CYP27C1: variants seen among roughly 807,000 people sequenced by gnomAD.
CYP27C1 encodes cytochrome P450 family 27 subfamily C member 1.
CYP27C1 carries 29 observed loss-of-function variants against 40.6 expected under a neutral mutation model. The observed-to-expected ratio is 0.71, with a 90% CI of 0.53 to 0.97. The LOEUF is 0.97. Ranked by LOEUF, CYP27C1 falls within the 50% of genes least tolerant of loss-of-function variation. The probability of loss-of-function intolerance (pLI) is 0.00; values close to 1 mark genes in which losing one functional copy is unlikely to be tolerated. For synonymous variants in CYP27C1, 198 were observed against 186.8 expected (o/e 1.06, Z -0.49); for missense variants, 390 against 485.8 (o/e 0.80, Z 1.85).
chr2:127,202,378 G>A (rs1029332763), intron 3 of CYP27C1, among the ~76,000 whole-genome samples: 13 of 152,092 alleles, frequency 8.5e-5, no homozygotes, highest in Admixed American at 3.9e-4. Flanking sequence ...CACCCGCCTC[G>A]GCCTCCCAAA....
chr2:127,217,891 T>A (rs975690529), intron 1 of CYP27C1, among the ~76,000 whole-genome samples: 2 of 152,094 alleles, frequency 1.3e-5, no homozygotes, highest in African/African-American at 2.4e-5. Context: ...GTGTTCGAAA[T>A]TGGGAGTCCT....
At chr2:127,204,516 GGAAA>G (rs1270089247) in intron 2 of CYP27C1, among the ~76,000 whole-genome samples, 919 of 55,434 alleles carry the variant, frequency 0.017, 47 homozygotes, top group Middle Eastern at 0.022. Context: ...AAAGAAAGAA[GGAAA>G]GAAAGAAAGA....
At chr2:127,214,237 A>C (rs13017099) in intron 1 of CYP27C1, among the ~76,000 whole-genome samples, 98,338 of 152,094 alleles carry the variant, frequency 0.65, 32,489 homozygotes, top group East Asian at 0.91. Context: ...TAAATTAGTT[A>C]AACCATTGTG....
Position 127,201,269 on chromosome 2 carries a change from T to A in CYP27C1, c.736A>T (p.Thr246Ser). ...TCCAGGGCCTCGATGTATTCCACAG[T>A]CAGCTGTGGGATGCTGTTTTCCAGG... The part of the protein sequence containing the change: ...GCLENSIPQL[T>S]VEYIEALELM... The change falls in exon 4 of 9, where the codon ACT (threonine) becomes TCT (serine). Residue 246 changes from threonine to serine, a missense_variant. Transcript: ENST00000664447. The surrounding 1 kb of genome is among the most constrained non-coding windows in gnomAD (Gnocchi z 6.0). 6.2e-7 allele frequency: 1 copy of A among 1,614,164 alleles called. No individual in the cohort carries two copies. The highest frequency in any genetic ancestry group is 8.5e-7 in the Non-Finnish European group (1 of 1,180,024).
intron 2 of CYP27C1, among the ~76,000 whole-genome samples, chr2:127,204,481 AAAGAAAGGAAGGAAGGAAGG>A (rs1223439105): frequency 6.0e-5 from 4 of 67,046 alleles, no homozygotes; most frequent in African/African-American, 2.4e-4. Context: ...AGAAAGAAAG[AAAGAAAGGAAGGAAGGAAGG>A]AAGGAAAGAA....
chr2:127,193,073 C>T (rs562491673), intron 8 of CYP27C1, 21 bp downstream of exon 8: 20 of 1,613,250 alleles, frequency 1.2e-5, no homozygotes, highest in South Asian at 5.5e-5. Context: ...CAAAGGCCAA[C>T]GTTTGGCCTC....
intron 2 of CYP27C1, 43 bp downstream of exon 2, chr2:127,205,857 C>G: frequency 1.6e-6 from 1 of 641,496 alleles, no homozygotes; most frequent in Non-Finnish European, 1.9e-6. Context: ...TCCCCCTGAG[C>G]TCCCCCTCCA....
At position 127,201,180 on chromosome 2, in the gene CYP27C1, G is replaced by C. The variant is rs1488857322; in HGVS notation, c.825C>G (p.Pro275=). The C allele has an allele frequency of 6.2e-7, 1 of 1,614,118 alleles. No individual in the cohort carries two copies. ...ATTCCCGCCAGGGCTTTGGGATGAA[G>C]GGGCGAAGCCATCTGGGGATGGCGC... ...YAGAIPRWLR[P]FIPKPWREFC... Residue 275 remains proline, a synonymous_variant, in exon 4 of 9, where the codon CCC becomes CCG. Transcript: ENST00000664447. This position sits in a 1 kb window ranked among gnomAD's most constrained non-coding sequence, Gnocchi z 6.0.
chr2:127,204,561 GAAAGAA>G (rs1558931407), intron 2 of CYP27C1, among the ~76,000 whole-genome samples: 639 of 55,866 alleles, frequency 0.011, 2 homozygotes, highest in African/African-American at 0.016. Flanking sequence ...GAGAGAGAAA[GAAAGAA>G]AGAAAGAAAG....
At chr2:127,211,750 A>G (rs1265177459) in intron 1 of CYP27C1, among the ~76,000 whole-genome samples, 5 of 152,150 alleles carry the variant, frequency 3.3e-5, no homozygotes, top group African/African-American at 1.2e-4. Context: ...GAAAGACCTC[A>G]AATTGACAGC....
At chr2:127,202,415 C>T (rs374197777) in intron 3 of CYP27C1, among the ~76,000 whole-genome samples, 5 of 152,224 alleles carry the variant, frequency 3.3e-5, no homozygotes, top group South Asian at 2.1e-4. Flanking sequence ...CGTGAGCCAC[C>T]GCACCCAGCC....
At chr2:127,199,605 C>A (rs1558928891) in intron 4 of CYP27C1, 66 bp from the exon 5 acceptor site, 1 of 1,493,490 alleles carries the variant, frequency 6.7e-7, no homozygotes, top group South Asian at 1.3e-5. Context: ...AGTCTCAAAG[C>A]CCTCTGTCCT....
intron 7 of CYP27C1, among the ~76,000 whole-genome samples, 200 bp downstream of exon 7, chr2:127,193,589 G>A (rs886483925): frequency 6.6e-6 from 1 of 152,186 alleles, no homozygotes; most frequent in Non-Finnish European, 1.5e-5. Context: ...CCTTGCTGGT[G>A]AGCAGTAAGT....
In CYP27C1 at chr2:127,209,316, G is replaced by A. The variant is rs1329425598; in HGVS notation, c.283-3226C>T. Among the ~76,000 whole-genome samples the A allele has an allele frequency of 6.6e-6, 1 of 152,086 alleles. No homozygotes were observed. Reference sequence around the variant, plus strand: ...AACAGAAAGCGACAACAACAGCATTGATAACAACAACAAAAAAAGGCCCCC... The same window carrying A: ...AACAGAAAGCGACAACAACAGCATTAATAACAACAACAAAAAAAGGCCCCC... On this transcript the variant is annotated intron_variant, in intron 1 of 8. Transcript: ENST00000664447. The surrounding 1 kb of genome is among the most constrained non-coding windows in gnomAD (Gnocchi z 4.1).
In CYP27C1 at chr2:127,184,447, T is replaced by G. The variant is rs1682572842; in HGVS notation, c.*2824A>C. On this transcript the variant is annotated 3_prime_UTR_variant, in exon 9 of 9. Transcript: ENST00000664447. ...GTTTTTTTTAGATACGGAGTTTCGT[T>G]CTTGTTGCCCAGGTGGAGTGCAGTG... is the stretch of plus-strand genomic sequence containing the variant. 6.6e-6 allele frequency: 1 copy of G among 152,174 alleles called. No individual in the cohort carries two copies. Among genetic ancestry groups the G allele is most frequent in the African/African-American group, 2.4e-5 (1 of 41,438 alleles). 9.4% of individuals were successfully genotyped at this position (152,174 alleles called of 1,614,324 possible). A position where few individuals can be genotyped will look rare whatever the true frequency, so the allele number is the denominator to read the frequency against.
rs1683523722 is a variant in CYP27C1, at chr2:127,220,278, GT to G, written c.-9del. On this transcript the variant is annotated 5_prime_UTR_variant, in exon 1 of 9. Coordinates refer to ENST00000664447, the MANE Select transcript of CYP27C1 (RefSeq NM_001367502.1). This position sits in a 1 kb window ranked among gnomAD's most constrained non-coding sequence, Gnocchi z 4.6. ...CCGCGCCAGCAGGGCCATGGCGCTC[GT>G]CTGCATCGGCTTGTTTGTCTGAGCA... Among the ~76,000 whole-genome samples the G allele has an allele frequency of 6.6e-6, 1 of 151,930 alleles. No individual in the cohort carries two copies. Among genetic ancestry groups the G allele is most frequent in the Non-Finnish European group, 1.5e-5 (1 of 67,896 alleles).
At position 127,188,974 on chromosome 2, in the gene CYP27C1, C is replaced by T. The variant is rs542680526; in HGVS notation, c.1498-1587G>A. Reference sequence around the variant, plus strand: ...GCATCTGGGTGGCTCAGCCTAAACACCTAACCTCTGACCCCTCGTGCTGAC... The same window carrying T: ...GCATCTGGGTGGCTCAGCCTAAACATCTAACCTCTGACCCCTCGTGCTGAC... On this transcript the variant is annotated intron_variant, in intron 8 of 8. Transcript: ENST00000664447. 1.2e-4 allele frequency among the ~76,000 whole-genome samples: 18 copies of T among 152,268 alleles called. 1 individual carries two copies. In the South Asian group the frequency reaches 3.7e-3, roughly 32 times the overall value.
chr2:127,214,919 G>A (rs1195708035), intron 1 of CYP27C1, among the ~76,000 whole-genome samples: 1 of 150,828 alleles, frequency 6.6e-6, no homozygotes, highest in Non-Finnish European at 1.5e-5. Flanking sequence ...ACGAGGTCAG[G>A]AGATCTAGAC....
rs922155363 is a variant in CYP27C1, at chr2:127,187,161, A to G, written c.*110T>C. ...ACCTGGGAGGCCAGTCTATAACAAGACAGCCTTTAGCGACATCGCTTTCCT... is the reference window on the plus strand; with the variant it reads ...ACCTGGGAGGCCAGTCTATAACAAGGCAGCCTTTAGCGACATCGCTTTCCT... On this transcript the variant is annotated 3_prime_UTR_variant, in exon 9 of 9. Transcript: ENST00000664447. 6 of 877,496 alleles carry G rather than the reference A, an allele frequency of 6.8e-6. No homozygotes were observed. The African/African-American group carries it at 1.0e-4, about 15-fold the overall frequency. 54.4% of individuals were successfully genotyped at this position (877,496 alleles called of 1,614,324 possible).
Sources: allele counts gnomAD v4.1 joint callset (sites outside exome capture counted in the v4.1 genomes callset), GRCh38; gene constraint gnomAD v4.1.1; non-coding constraint Gnocchi (gnomAD v3.1); transcripts MANE v1.5; gene names NCBI Gene and HGNC (gene_info 2026-07-23, HGNC 2026-07-21).